Variants in SORL1 observed in about 807,000 individuals in gnomAD.
The protein encoded by SORL1 is sortilin-related receptor.
Under a neutral mutation model 273.7 loss-of-function variants are expected in SORL1, and 127 were observed. The observed-to-expected ratio is 0.46, with a 90% CI of 0.40 to 0.54. The LOEUF (loss-of-function observed/expected upper bound fraction) is 0.54, where lower values mean the gene tolerates loss of function less well. Among genes scored for constraint, SORL1 ranks in the 20% least tolerant of loss-of-function variants. SORL1 has a pLI of 0.00. For missense variants in SORL1, 2,494 were observed against 2,846.1 expected (o/e 0.88, Z 2.81); for synonymous variants, 1,031 against 1,067.4 (o/e 0.97, Z 0.66).
At position 121,552,580 on chromosome 11, in the gene SORL1, G is replaced by C. The variant is rs921668626; in HGVS notation, c.2267-1357G>C. ...CTTAGCTGGCCCCCTCCCTGGGAAT[G>C]ACAGCGGGAAGGTTTCCTTGACAAC... is the stretch of plus-strand genomic sequence containing the variant. On this transcript the variant is annotated intron_variant, in intron 16 of 47. Transcript: ENST00000260197. Among the ~76,000 whole-genome samples the C allele has an allele frequency of 8.1e-4, 123 of 152,210 alleles. 1 individual carries two copies. Among genetic ancestry groups the C allele is most frequent in the Admixed American group, 8.0e-3 (123 of 15,284 alleles).
chr11:121,594,065 C>A (rs1161800610), intron 31 of SORL1, among the ~76,000 whole-genome samples: 1 of 151,186 alleles, frequency 6.6e-6, no homozygotes, highest in East Asian at 1.9e-4. Flanking sequence ...AGGTTTTGTT[C>A]CACTGCCTTC....
intron 21 of SORL1, chr11:121,566,688 C>A: frequency 2.5e-6 from 1 of 405,276 alleles, no homozygotes; most frequent in Non-Finnish European, 4.4e-6. Flanking sequence ...TTACAAATTC[C>A]CAGGAGGAAC....
intron 1 of SORL1, among the ~76,000 whole-genome samples, chr11:121,459,648 T>C (rs1028857526): frequency 3.3e-5 from 5 of 152,242 alleles, no homozygotes; most frequent in Admixed American, 1.3e-4. Context: ...GCGCAAACAC[T>C]GCACTTGTAT....
At chr11:121,524,824 T>C (rs1862096121) in intron 11 of SORL1, among the ~76,000 whole-genome samples, 1 of 152,200 alleles carries the variant, frequency 6.6e-6, no homozygotes, top group Non-Finnish European at 1.5e-5. Context: ...AAGTGTACAG[T>C]TTGATCAGAA....
At position 121,605,141 on chromosome 11, in the gene SORL1, T is replaced by G. The variant is rs746862629; in HGVS notation, c.4680T>G (p.Asn1560Lys). The change falls in exon 34 of 48, where the codon AAT becomes AAG. Residue 1560 changes from asparagine (N) to lysine (K), a missense_variant. This residue lies in a region of SORL1 where 1,609 missense variants were observed against 1,816.4 expected (regional missense o/e 0.89). Transcript: ENST00000260197. ...SDELTVYKVQ[N>K]LQWTADFSGD... is the part of the protein sequence containing the mutation. ...AGTTGACTGTGTACAAAGTACAGAATCTTCAGTGGACAGCTGACTTCTCTG... is the reference window on the plus strand; with the variant it reads ...AGTTGACTGTGTACAAAGTACAGAAGCTTCAGTGGACAGCTGACTTCTCTG... 120 of 1,613,136 alleles carry G rather than the reference T, an allele frequency of 7.4e-5. No individual in the cohort carries two copies. The highest frequency in any genetic ancestry group is 8.4e-5 in the Non-Finnish European group (99 of 1,179,442).
intron 18 of SORL1, 159 bp from the exon 19 acceptor site, chr11:121,557,155 C>A: frequency 1.5e-6 from 1 of 654,060 alleles, no homozygotes; most frequent in South Asian, 1.7e-5. Flanking sequence ...CGCATTGTGA[C>A]TAGAAGTTGG....
At chr11:121,619,363 C>G (rs1404638169) in intron 42 of SORL1, among the ~76,000 whole-genome samples, 1 of 152,130 alleles carries the variant, frequency 6.6e-6, no homozygotes, top group Non-Finnish European at 1.5e-5. Context: ...TATGACAACT[C>G]TAAATGTACT....
In SORL1 at chr11:121,612,750, G is replaced by A. The variant is rs1211067786; in HGVS notation, c.5337G>A (p.Val1779=). 11 of 1,613,844 alleles carry A rather than the reference G, an allele frequency of 6.8e-6. No homozygotes were observed. Among genetic ancestry groups the A allele is most frequent in the African/African-American group, 5.3e-5 (4 of 74,920 alleles). ...MESDIKVNGY[V]VNLFWAFDTH... ...GTTCTCGGCAGGTGAATGGCTATGT[G>A]GTGAACCTTTTCTGGGCATTTGACA... Residue 1779 remains valine, a synonymous_variant, in exon 40 of 48, where the codon GTG becomes GTA. Coordinates refer to ENST00000260197, the MANE Select transcript of SORL1 (RefSeq NM_003105.6).
intron 14 of SORL1, among the ~76,000 whole-genome samples, chr11:121,546,710 C>T (rs1352325164): frequency 6.6e-6 from 1 of 152,212 alleles, no homozygotes; most frequent in Non-Finnish European, 1.5e-5. Flanking sequence ...TTGCCCATGG[C>T]AGTGCCCATG....
chr11:121,578,879 C>G (rs1187267281), intron 25 of SORL1, among the ~76,000 whole-genome samples: 11 of 152,204 alleles, frequency 7.2e-5, no homozygotes, highest in Non-Finnish European at 1.3e-4. Flanking sequence ...TATATTAAAG[C>G]ATGGTCTGCA....
At chr11:121,497,106 C>A (rs963948300) in intron 6 of SORL1, 57 bp downstream of exon 6, 20 of 1,483,338 alleles carry the variant, frequency 1.3e-5, no homozygotes, top group Non-Finnish European at 1.9e-5. Flanking sequence ...TGAAGTTTGG[C>A]ATTCTGTGAT....
At position 121,627,771 on chromosome 11, in the gene SORL1, A is replaced by G; in HGVS notation, c.6577+4A>G. 1.2e-6 allele frequency: 2 copies of G among 1,610,494 alleles called. No individual in the cohort carries two copies. The highest frequency in any genetic ancestry group is 2.2e-5 in the East Asian group (1 of 44,854). On this transcript the variant is annotated splice_donor_region_variant and intron_variant, in intron 47 of 47. Coordinates refer to ENST00000260197, the MANE Select transcript of SORL1 (RefSeq NM_003105.6). The surrounding 1 kb of genome is among the most constrained non-coding windows in gnomAD (Gnocchi z 4.9). ...TTCTCCTCTGGGGATGACCTGGGTAAGTGGGGCAGGGAGAGTCGGTTCTTC... is the reference window on the plus strand; with the variant it reads ...TTCTCCTCTGGGGATGACCTGGGTAGGTGGGGCAGGGAGAGTCGGTTCTTC...
rs2134933263 is a variant in SORL1 at position 121,574,371 on chromosome 11, G to T, written c.3460+8G>T. The T allele has an allele frequency of 6.2e-7, 1 of 1,612,588 alleles. No individual in the cohort carries two copies. The highest frequency in any genetic ancestry group is 8.5e-7 in the Non-Finnish European group (1 of 1,178,760). On this transcript the variant is annotated splice_region_variant and intron_variant, in intron 24 of 47. Coordinates refer to ENST00000260197, the MANE Select transcript of SORL1 (RefSeq NM_003105.6). Reference sequence around the variant, plus strand: ...GTGATGAAAGTCATTGTGGTAAGGGGACATCACATCCTGAAACCCTGCTCT... The same window carrying T: ...GTGATGAAAGTCATTGTGGTAAGGGTACATCACATCCTGAAACCCTGCTCT...
intron 32 of SORL1, among the ~76,000 whole-genome samples, chr11:121,598,931 G>T (rs1240755304): frequency 6.6e-6 from 1 of 152,076 alleles, no homozygotes; most frequent in Non-Finnish European, 1.5e-5. Flanking sequence ...TCAAGGAATT[G>T]GATAAGTTGC....
intron 11 of SORL1, among the ~76,000 whole-genome samples, chr11:121,524,591 A>T (rs961290121): frequency 3.3e-5 from 5 of 152,230 alleles, no homozygotes; most frequent in African/African-American, 1.2e-4. Flanking sequence ...AGGTGGTGGC[A>T]GAGGAAGAGG....
rs752731153 is a variant in SORL1, at chr11:121,633,045, G to A, written c.*3482G>A. The A allele has an allele frequency of 2.6e-5, 4 of 152,188 alleles. No homozygotes were observed. The highest frequency in any genetic ancestry group is 6.5e-5 in the Admixed American group (1 of 15,280). 9.4% of individuals were successfully genotyped at this position (152,188 alleles called of 1,614,324 possible). On this transcript the variant is annotated 3_prime_UTR_variant, in exon 48 of 48. Transcript: ENST00000260197. ...GTGTTATTTTTCTTAACTGGAGTGT[G>A]TGCTGCCTTTCAGGTACAATTTTTG...
chr11:121,557,524 T>G (rs1344248974), intron 19 of SORL1, 119 bp downstream of exon 19: 1 of 782,550 alleles, frequency 1.3e-6, no homozygotes, highest in Non-Finnish European at 2.1e-6. Flanking sequence ...TGAAATGGTC[T>G]ATTAACTGAG....
At position 121,604,255 on chromosome 11, in the gene SORL1, A is replaced by G; in HGVS notation, c.4582A>G (p.Ile1528Val). The change falls in exon 33 of 48, where the codon ATT becomes GTT. Residue 1528 changes from isoleucine to valine, a missense_variant. Transcript: ENST00000260197. ...CCAGTGCGAGGACGGGGAGGCCTGCATTGTGCTCTCGGAGCGCTGCGACGG... is the reference window on the plus strand; with the variant it reads ...CCAGTGCGAGGACGGGGAGGCCTGCGTTGTGCTCTCGGAGCGCTGCGACGG... ...EFQCEDGEAC[I>V]VLSERCDGFL... 6.2e-7 allele frequency: 1 copy of G among 1,613,382 alleles called. No homozygotes were observed. Among genetic ancestry groups the G allele is most frequent in the Non-Finnish European group, 8.5e-7 (1 of 1,179,634 alleles).
intron 42 of SORL1, among the ~76,000 whole-genome samples, chr11:121,619,095 C>T (rs1434480151): frequency 3.3e-5 from 5 of 152,094 alleles, no homozygotes; most frequent in East Asian, 1.9e-4. Flanking sequence ...ACTGCAGCTC[C>T]GTTATGGAGG....
Sources: allele counts gnomAD v4.1 joint callset (sites outside exome capture counted in the v4.1 genomes callset), GRCh38; gene constraint gnomAD v4.1.1; regional missense constraint gnomAD v4.1.1; non-coding constraint Gnocchi (gnomAD v3.1); transcripts MANE v1.5; gene names NCBI Gene and HGNC (gene_info 2026-07-23, HGNC 2026-07-21).